The following RIMS1 variants were observed in gnomAD, a reference collection of about 807,000 sequenced individuals.
RIMS1 encodes regulating synaptic membrane exocytosis protein 1.
In RIMS1, 83 loss-of-function variants were observed where a neutral mutation model predicts 214.1. That is an observed-to-expected ratio of 0.39 (90% CI 0.32 to 0.47). RIMS1 has a LOEUF of 0.47. Ranked by LOEUF, RIMS1 falls within the 20% of genes least tolerant of loss-of-function variation. The pLI, the probability that RIMS1 is intolerant of heterozygous loss-of-function variation, is 0.99. For synonymous variants in RIMS1, 793 were observed against 786.8 expected, an observed-to-expected ratio of 1.01 and a Z score of -0.13; for missense variants, 2,050 against 2,161.8, an observed-to-expected ratio of 0.95 and a Z score of 1.03.
intron 29 of RIMS1, among the ~76,000 whole-genome samples, chr6:72,387,883 A>G (rs918204831): frequency 1.3e-5 from 2 of 152,240 alleles, no homozygotes; most frequent in Non-Finnish European, 2.9e-5. Context: ...CCCATCAATA[A>G]AGAGATGGTT....
intron 6 of RIMS1, among the ~76,000 whole-genome samples, chr6:72,205,405 A>G (rs1298069032): frequency 1.3e-5 from 2 of 152,160 alleles, no homozygotes; most frequent in African/African-American, 4.8e-5. Flanking sequence ...AAGAGCTCTA[A>G]ATTAGGTGTA....
chr6:72,082,216 T>C (rs1833579054), intron 2 of RIMS1, among the ~76,000 whole-genome samples: 2 of 152,232 alleles, frequency 1.3e-5, no homozygotes, highest in African/African-American at 4.8e-5. Context: ...TAGTTCTAGA[T>C]CCTATTTATG....
chr6:72,341,618 T>A (rs1303455596), intron 29 of RIMS1, among the ~76,000 whole-genome samples: 1 of 151,812 alleles, frequency 6.6e-6, no homozygotes, highest in African/African-American at 2.4e-5. Flanking sequence ...AAAATAGAAG[T>A]ATCATTTACA....
chr6:71,959,707 C>G (rs563282021), intron 1 of RIMS1, among the ~76,000 whole-genome samples: 1 of 151,986 alleles, frequency 6.6e-6, no homozygotes, highest in East Asian at 1.9e-4. Context: ...AAGACTAATG[C>G]TTACAACTCG....
chr6:72,367,042 A>G (rs890485643), intron 29 of RIMS1, among the ~76,000 whole-genome samples: 3 of 152,228 alleles, frequency 2.0e-5, no homozygotes, highest in Non-Finnish European at 2.9e-5. Context: ...TTAAATGAAA[A>G]TGAAAAAACA....
intron 2 of RIMS1, among the ~76,000 whole-genome samples, chr6:71,976,507 A>T (rs1455295386): frequency 6.6e-6 from 1 of 152,166 alleles, no homozygotes; most frequent in African/African-American, 2.4e-5. Context: ...TCTTTGTCAC[A>T]GAAATGATTT....
In RIMS1 at chr6:71,984,366, C is replaced by G. The variant is rs996001637; in HGVS notation, c.245+15303C>G. Among the ~76,000 whole-genome samples, 6 of 151,350 alleles carry G rather than the reference C, an allele frequency of 4.0e-5. 1 individual carries two copies. The highest frequency in any genetic ancestry group is 3.9e-4 in the Admixed American group (6 of 15,192). On this transcript the variant is annotated intron_variant, in intron 2 of 33. Transcript: ENST00000521978. ...CTTTGAAGGAAAAGAAAAAAAAAAA[C>G]TGTACTGCTGGAGCTACACTGTGAC...
intron 28 of RIMS1, among the ~76,000 whole-genome samples, chr6:72,317,977 T>C (rs2095904811): frequency 6.6e-6 from 1 of 152,176 alleles, no homozygotes; most frequent in African/African-American, 2.4e-5. Flanking sequence ...ATGTAATAAA[T>C]CTCTTTATTC....
In RIMS1 at chr6:72,389,821, A is replaced by G. The variant is rs889227059; in HGVS notation, c.4367-777A>G. Among the ~76,000 whole-genome samples, 54 of 152,322 alleles carry G rather than the reference A, an allele frequency of 3.5e-4. 1 individual carries two copies. The highest frequency in any genetic ancestry group is 1.3e-3 in the African/African-American group (52 of 41,564). On this transcript the variant is annotated intron_variant, in intron 29 of 33. Transcript: ENST00000521978. Reference sequence around the variant, plus strand: ...GAATTTATTTCCATGCTATGAATAGAATGCTGGTTAGTGCATTTCAAAGTG... The same window carrying G: ...GAATTTATTTCCATGCTATGAATAGGATGCTGGTTAGTGCATTTCAAAGTG...
At chr6:72,182,240 G>C (rs768816050) in intron 5 of RIMS1, 44 bp from the exon 6 acceptor site, 1 of 1,511,382 alleles carries the variant, frequency 6.6e-7, no homozygotes, top group Admixed American at 2.3e-5. Flanking sequence ...TTTATGTCTA[G>C]TCTTTATAAA....
At chr6:72,097,272 C>A (rs1586878263) in intron 3 of RIMS1, 110 bp downstream of exon 3, 1 of 946,674 alleles carries the variant, frequency 1.1e-6, no homozygotes, top group African/African-American at 1.6e-5. Context: ...CATAAACATA[C>A]ACGTTAAAAT....
At chr6:72,303,706 A>G (rs1172155098) in intron 26 of RIMS1, among the ~76,000 whole-genome samples, 1 of 151,554 alleles carries the variant, frequency 6.6e-6, no homozygotes, top group Non-Finnish European at 1.5e-5. Context: ...GTTTGGAAAG[A>G]ACAATGTATA....
intron 4 of RIMS1, among the ~76,000 whole-genome samples, chr6:72,114,157 A>T (rs1026405717): frequency 6.6e-6 from 1 of 152,084 alleles, no homozygotes; most frequent in South Asian, 2.1e-4. Flanking sequence ...AAAATGAGGA[A>T]ATTAGAATTT....
chr6:72,168,607 A>G (rs1174018553), intron 4 of RIMS1, among the ~76,000 whole-genome samples: 1 of 151,942 alleles, frequency 6.6e-6, no homozygotes, highest in South Asian at 2.1e-4. Flanking sequence ...GCATTCCTAG[A>G]CCAAGGTCAT....
At chr6:72,343,320 C>T (rs1385057992) in intron 29 of RIMS1, among the ~76,000 whole-genome samples, 5 of 151,520 alleles carry the variant, frequency 3.3e-5, no homozygotes, top group Non-Finnish European at 7.4e-5. Context: ...TAATGATTCA[C>T]CTGTCTTGGG....
intron 2 of RIMS1, among the ~76,000 whole-genome samples, chr6:72,003,955 G>A (rs1806336356): frequency 6.7e-6 from 1 of 149,426 alleles, no homozygotes; most frequent in Non-Finnish European, 1.5e-5. Flanking sequence ...TGCCATGCTG[G>A]TGTGCTGCAC....
intron 29 of RIMS1, among the ~76,000 whole-genome samples, chr6:72,383,879 A>T (rs1349418816): frequency 6.6e-6 from 1 of 151,528 alleles, no homozygotes; most frequent in Non-Finnish European, 1.5e-5. Flanking sequence ...CCTCAAAAAT[A>T]AAAAAAATAT....
chr6:72,048,131 C>T (rs1038662219), intron 2 of RIMS1, among the ~76,000 whole-genome samples: 6 of 152,000 alleles, frequency 3.9e-5, no homozygotes, highest in Non-Finnish European at 7.4e-5. Flanking sequence ...TTTTTAAGTA[C>T]GAATGGTGGA....
Position 72,336,720 on chromosome 6 carries a change from G to T in RIMS1, c.4366+2885G>T, listed in dbSNP as rs148275106. Among the ~76,000 whole-genome samples the T allele has an allele frequency of 1.6e-4, 25 of 151,800 alleles. No individual in the cohort carries two copies. In the East Asian group the frequency reaches 4.9e-3, roughly 30 times the overall value. On this transcript the variant is annotated intron_variant, in intron 29 of 33. Coordinates refer to ENST00000521978, the MANE Select transcript of RIMS1 (RefSeq NM_014989.7). ...CCTTTCATTTGATAGCCTATCCTTA[G>T]ATTTCAATCTTCTTGATCTTTCTAA...
Sources: allele counts gnomAD v4.1 joint callset (sites outside exome capture counted in the v4.1 genomes callset), GRCh38; gene constraint gnomAD v4.1.1; transcripts MANE v1.5; gene names NCBI Gene and HGNC (gene_info 2026-07-23, HGNC 2026-07-21).